Variants in SLC4A8 observed in about 807,000 individuals in gnomAD.
SLC4A8 encodes solute carrier family 4 member 8.
In SLC4A8, 40 loss-of-function variants were observed where a neutral mutation model predicts 125.0. The ratio of observed to expected loss-of-function variants is 0.32; its 90% CI spans 0.25 to 0.42. The LOEUF is 0.42. Among genes scored for constraint, SLC4A8 ranks in the 10% least tolerant of loss-of-function variants. The probability of loss-of-function intolerance (pLI) is 1.00; values close to 1 mark genes in which losing one functional copy is unlikely to be tolerated. For synonymous variants in SLC4A8, 456 were observed against 476.0 expected, an observed-to-expected ratio of 0.96 and a Z score of 0.55; for missense variants, 863 against 1,355.1, an observed-to-expected ratio of 0.64 and a Z score of 5.70.
At chr12:51,463,834 G>C (rs188521710) in intron 11 of SLC4A8, 120 bp downstream of exon 11, 106 of 650,164 alleles carry the variant, frequency 1.6e-4, no homozygotes, top group Admixed American at 3.2e-4. Context: ...GCTGAAGAAT[G>C]ACTTTTCAAA....
Position 51,508,977 on chromosome 12 carries a change from A to G in SLC4A8, c.*1539A>G, listed in dbSNP as rs1237196323. ...TTACTCTAAAGACCTTTGATGTTAA[A>G]GGAATCCTTCATTTATTTCATATTC... On this transcript the variant is annotated 3_prime_UTR_variant, in exon 25 of 25. Coordinates refer to ENST00000453097, the MANE Select transcript of SLC4A8 (RefSeq NM_001039960.3). 1 of 152,678 alleles carries G rather than the reference A, an allele frequency of 6.5e-6. No homozygotes were observed. Among genetic ancestry groups the G allele is most frequent in the Non-Finnish European group, 1.5e-5 (1 of 68,052 alleles). 9.5% of individuals were successfully genotyped at this position (152,678 alleles called of 1,614,324 possible).
chr12:51,514,396 G>C lies in SLC4A8; in HGVS notation c.*6958G>C, dbSNP rs1234744588. ...CATCCAAGTTCCTCCCTCCTTTACT[G>C]TCTCGGCTTTTTCAAGCACCCCTTT... On this transcript the variant is annotated 3_prime_UTR_variant, in exon 25 of 25. Transcript: ENST00000453097. 6.6e-6 allele frequency: 1 copy of C among 152,584 alleles called. No homozygotes were observed. The highest frequency in any genetic ancestry group is 2.4e-5 in the African/African-American group (1 of 41,444). The allele number at this position is 152,584 out of a possible 1,614,324, so 9.5% of individuals were successfully genotyped here. A position where few individuals can be genotyped will look rare whatever the true frequency, so the allele number is the denominator to read the frequency against.
chr12:51,489,602 C>T, intron 18 of SLC4A8, 98 bp from the exon 19 acceptor site: 6 of 1,478,754 alleles, frequency 4.1e-6, no homozygotes, highest in Non-Finnish European at 5.5e-6. Flanking sequence ...CTTATCCATA[C>T]ACCCCTTCAT....
chr12:51,479,231 T>A (rs1001095578), intron 16 of SLC4A8, among the ~76,000 whole-genome samples: 2 of 152,188 alleles, frequency 1.3e-5, no homozygotes, highest in Non-Finnish European at 2.9e-5. Context: ...GTTACTGAAG[T>A]TGCTGACTCC....
At chr12:51,393,400 T>A (rs1305684010) in intron 1 of SLC4A8, among the ~76,000 whole-genome samples, 1 of 151,882 alleles carries the variant, frequency 6.6e-6, no homozygotes, top group Non-Finnish European at 1.5e-5. Context: ...CAGCCATGAA[T>A]TTGTATTTCT....
At chr12:51,505,670 A>G (rs1199220444) in intron 23 of SLC4A8, among the ~76,000 whole-genome samples, 165 bp from the exon 24 acceptor site, 2 of 152,240 alleles carry the variant, frequency 1.3e-5, no homozygotes, top group East Asian at 1.9e-4. Context: ...CAGTGGCTGC[A>G]GGAGAAAGAT....
At chr12:51,444,353 G>A (rs966707976) in intron 2 of SLC4A8, among the ~76,000 whole-genome samples, 18 of 152,108 alleles carry the variant, frequency 1.2e-4, no homozygotes, top group African/African-American at 4.3e-4. Context: ...CTGATTTTCT[G>A]ACAGCCGCTT....
At chr12:51,490,420 G>A (rs960289578) in intron 19 of SLC4A8, among the ~76,000 whole-genome samples, 10 of 152,012 alleles carry the variant, frequency 6.6e-5, no homozygotes, top group African/African-American at 2.4e-4. Flanking sequence ...TTAGCCGGGT[G>A]TGGTGGCAGG....
intron 1 of SLC4A8, among the ~76,000 whole-genome samples, chr12:51,399,442 A>G (rs1246738559): frequency 2.6e-5 from 4 of 151,190 alleles, no homozygotes; most frequent in Non-Finnish European, 4.4e-5. Context: ...GATTTTGGCA[A>G]GTACTTTAAA....
At chr12:51,478,688 A>G (rs765490836) in intron 16 of SLC4A8, among the ~76,000 whole-genome samples, 70 of 152,184 alleles carry the variant, frequency 4.6e-4, no homozygotes, top group South Asian at 8.3e-4. Flanking sequence ...TGCTTAACAT[A>G]TATTTGTTTG....
intron 19 of SLC4A8, among the ~76,000 whole-genome samples, chr12:51,491,402 C>T (rs1432706988): frequency 6.6e-6 from 1 of 151,848 alleles, no homozygotes; most frequent in African/African-American, 2.4e-5. Flanking sequence ...GAAGGAGCTG[C>T]CAGAGAGGTG....
At chr12:51,417,796 G>A (rs1029393461) in intron 1 of SLC4A8, among the ~76,000 whole-genome samples, 1 of 152,260 alleles carries the variant, frequency 6.6e-6, no homozygotes, top group African/African-American at 2.4e-5. Context: ...GATTACAGGC[G>A]TGAGCCACTG....
At chr12:51,395,480 A>G (rs539977899) in intron 1 of SLC4A8, among the ~76,000 whole-genome samples, 1 of 152,340 alleles carries the variant, frequency 6.6e-6, no homozygotes, top group Non-Finnish European at 1.5e-5. Context: ...GGAGCAGAAC[A>G]GTGGAAGTGT....
intron 19 of SLC4A8, among the ~76,000 whole-genome samples, chr12:51,492,624 A>G (rs1177355146): frequency 2.0e-5 from 3 of 152,206 alleles, no homozygotes; most frequent in Non-Finnish European, 4.4e-5. Flanking sequence ...TGGAATGTCT[A>G]ATCACTCTAC....
chr12:51,406,339 T>G (rs1592142536), intron 1 of SLC4A8, among the ~76,000 whole-genome samples: 1 of 152,200 alleles, frequency 6.6e-6, no homozygotes, highest in African/African-American at 2.4e-5. Flanking sequence ...GAAAGCAATG[T>G]GGAAGCCATA....
intron 7 of SLC4A8, 74 bp from the exon 8 acceptor site, chr12:51,459,877 G>A (rs1771945361): frequency 7.4e-7 from 1 of 1,346,688 alleles, no homozygotes; most frequent in South Asian, 1.3e-5. Context: ...TCAAAAAAAA[G>A]TAAATAAAAA....
chr12:51,415,921 AAATAT>A (rs758588455), intron 1 of SLC4A8, among the ~76,000 whole-genome samples: 53 of 151,420 alleles, frequency 3.5e-4, no homozygotes, highest in South Asian at 8.4e-4. Flanking sequence ...AAATAAAATT[AAATAT>A]AATAATATAG....
At position 51,425,032 on chromosome 12, in the gene SLC4A8, T is replaced by C. The variant is rs963858043; in HGVS notation, c.45T>C (p.Tyr15=). ...GSNEPDGVLS[Y]QRPDEEAVVD... ...ACGAGCCGGACGGCGTCCTCAGCTA[T>C]CAGGTAGGGCCCCGCCTCCCGCGCC... Residue 15 remains tyrosine, a synonymous_variant, in exon 1 of 25, where the codon TAT becomes TAC. Coordinates refer to ENST00000453097, the MANE Select transcript of SLC4A8 (RefSeq NM_001039960.3). 2.1e-5 allele frequency: 33 copies of C among 1,556,508 alleles called. No individual in the cohort carries two copies. The highest frequency in any genetic ancestry group is 2.8e-5 in the Non-Finnish European group (32 of 1,150,950).
At chr12:51,424,729 C>A (rs1031321455), upstream of SLC4A8, 27 of 459,594 alleles carry the variant, frequency 5.9e-5, 1 homozygote, top group Non-Finnish European at 9.2e-5. Context: ...GCTCCTCCCC[C>A]TCCCCGCGGT....
Sources: gnomAD v4.1 joint callset for allele counts (sites outside exome capture counted in the v4.1 genomes callset) on GRCh38, gnomAD v4.1.1 for gene constraint, MANE v1.5 for transcripts, NCBI Gene and HGNC (gene_info 2026-07-23, HGNC 2026-07-21) for gene names.